Variants in NKD1 observed in about 807,000 individuals in gnomAD.
NKD1 encodes the protein NKD inhibitor of Wnt signaling pathway 1, also known as protein naked cuticle homolog 1.
A neutral mutation model predicts 56.0 loss-of-function variants in NKD1; 21 were observed. That is an observed-to-expected ratio of 0.38 (90% CI 0.27 to 0.54). NKD1 has a LOEUF of 0.54. NKD1 is among the 20% of genes least tolerant of loss of function. NKD1 has a pLI of 0.82. For missense variants in NKD1, 578 were observed against 642.7 expected (o/e 0.90, Z 1.09); for synonymous variants, 263 against 265.7 (o/e 0.99, Z 0.10).
chr16:50,583,245 C>A (rs1358000932), intron 3 of NKD1, among the ~76,000 whole-genome samples: 1 of 152,170 alleles, frequency 6.6e-6, no homozygotes, highest in South Asian at 2.1e-4. Flanking sequence ...GCAGCTTTTG[C>A]TTTTGTGCTT....
rs1472429029 is a variant in NKD1, at chr16:50,646,805, C to T, written c.*13024C>T. ...AAAGGCCTCCTGGAGGAGAGGGGCTCTAGGGGGCAGGTATGATCCTGAAGG... is the reference window on the plus strand; with the variant it reads ...AAAGGCCTCCTGGAGGAGAGGGGCTTTAGGGGGCAGGTATGATCCTGAAGG... On this transcript the variant is annotated 3_prime_UTR_variant, in exon 10 of 10. Coordinates refer to ENST00000268459, the MANE Select transcript of NKD1 (RefSeq NM_033119.5). The T allele has an allele frequency of 6.6e-6, 1 of 152,212 alleles. No individual in the cohort carries two copies. Among genetic ancestry groups the T allele is most frequent in the Non-Finnish European group, 1.5e-5 (1 of 68,062 alleles). The allele number at this position is 152,212 out of a possible 1,614,324, so 9.4% of individuals were successfully genotyped here.
intron 3 of NKD1, among the ~76,000 whole-genome samples, chr16:50,568,512 G>C (rs1475588636): frequency 5.3e-5 from 8 of 152,170 alleles, no homozygotes; most frequent in Non-Finnish European, 1.0e-4. Flanking sequence ...TGTGTCAAGC[G>C]CTTCCTCATT....
intron 3 of NKD1, among the ~76,000 whole-genome samples, chr16:50,589,708 T>C (rs563900876): frequency 5.0e-4 from 13 of 25,902 alleles, no homozygotes; most frequent in East Asian, 2.4e-3. Context: ...TCTTCTCTTC[T>C]CTTCTCTTCT....
In NKD1 at chr16:50,631,544, G is replaced by A. The variant is rs116618929; in HGVS notation, c.695+634G>A. Among the ~76,000 whole-genome samples the A allele has an allele frequency of 9.9e-3, 1,504 of 152,312 alleles. 32 individuals carry two copies. The highest frequency in any genetic ancestry group is 0.034 in the African/African-American group (1,425 of 41,562). ...TACTCGCTAGGGGAAAGAAAAAACAGTTCAAGCAGGGTCACAGCCAGGTGT... is the reference window on the plus strand; with the variant it reads ...TACTCGCTAGGGGAAAGAAAAAACAATTCAAGCAGGGTCACAGCCAGGTGT... On this transcript the variant is annotated intron_variant, in intron 8 of 9. Coordinates refer to ENST00000268459, the MANE Select transcript of NKD1 (RefSeq NM_033119.5).
rs1020876726 is a variant in NKD1, at chr16:50,636,535, G to A, written c.*2754G>A. The A allele has an allele frequency of 2.0e-5, 3 of 152,210 alleles. No individual in the cohort carries two copies. Among genetic ancestry groups the A allele is most frequent in the African/African-American group, 7.2e-5 (3 of 41,452 alleles). 9.4% of individuals were successfully genotyped at this position (152,210 alleles called of 1,614,324 possible). A position where few individuals can be genotyped will look rare whatever the true frequency, so the allele number is the denominator to read the frequency against. The stretch of plus-strand genomic sequence containing the variant: ...CTAGGGCCCCTCAGTGTAATGTAGG[G>A]GTTGTGAGCACAGACTTTGGTGCCA... On this transcript the variant is annotated 3_prime_UTR_variant, in exon 10 of 10. Transcript: ENST00000268459.
At chr16:50,568,391 G>C (rs1441974279) in intron 3 of NKD1, among the ~76,000 whole-genome samples, 1 of 152,250 alleles carries the variant, frequency 6.6e-6, no homozygotes, top group African/African-American at 2.4e-5. Flanking sequence ...GTCCAGGTTA[G>C]AGCTGGTGCT....
rs762988278 is a variant in NKD1 at position 50,633,532 on chromosome 16, G to A, written c.1164G>A (p.Pro388=). ...VSPSAHLAAS[P]ALLPSLAPLG... Reference sequence around the variant, plus strand: ...CCTCCGCCCACCTGGCTGCCAGCCCGGCCCTCCTCCCCTCCCTAGCCCCCC... The same window carrying A: ...CCTCCGCCCACCTGGCTGCCAGCCCAGCCCTCCTCCCCTCCCTAGCCCCCC... The change falls in exon 10 of 10, where the codon CCG becomes CCA. Residue 388 remains proline, a synonymous_variant. Transcript: ENST00000268459. This position sits in a 1 kb window ranked among gnomAD's most constrained non-coding sequence, Gnocchi z 4.9. 27 of 1,609,994 alleles carry A rather than the reference G, an allele frequency of 1.7e-5. No homozygotes were observed. Among genetic ancestry groups the A allele is most frequent in the East Asian group, 6.7e-5 (3 of 44,784 alleles).
intron 2 of NKD1, chr16:50,549,093 T>A (rs1357123418): frequency 6.7e-6 from 1 of 148,446 alleles, no homozygotes; most frequent in Non-Finnish European, 1.3e-5. Context: ...ATATCCTGGC[T>A]CCTGCACCTA....
intron 3 of NKD1, among the ~76,000 whole-genome samples, chr16:50,603,861 G>A (rs1961649986): frequency 6.6e-6 from 1 of 151,656 alleles, no homozygotes; most frequent in Admixed American, 6.6e-5. Flanking sequence ...GTGTAGAGCA[G>A]GGGAGGGGCT....
At position 50,597,709 on chromosome 16, in the gene NKD1, C is replaced by CA. The variant is rs1453372980; in HGVS notation, c.193-10584dup. Among the ~76,000 whole-genome samples, 5 of 152,306 alleles carry CA rather than the reference C, an allele frequency of 3.3e-5. No homozygotes were observed. In the East Asian group the frequency reaches 9.7e-4, roughly 29 times the overall value. On this transcript the variant is annotated intron_variant, in intron 3 of 9. Coordinates refer to ENST00000268459, the MANE Select transcript of NKD1 (RefSeq NM_033119.5). The stretch of plus-strand genomic sequence containing the variant: ...GCCCTCATTCCCAAATGGCCCCTCT[C>CA]ACCTTCTCGGCTTTTCCACACCCAC...
chr16:50,549,317 G>A (rs957377385), intron 2 of NKD1, 105 bp from the exon 3 acceptor site: 1 of 1,418,054 alleles, frequency 7.1e-7, no homozygotes. Flanking sequence ...CCTGGCCCCC[G>A]TGCCGTGGTC....
chr16:50,563,720 C>T (rs12926668), intron 3 of NKD1, among the ~76,000 whole-genome samples: 1 of 139,248 alleles, frequency 7.2e-6, no homozygotes, highest in East Asian at 2.2e-4. Context: ...GTGGGCACAG[C>T]CCTGGATGCA....
At chr16:50,563,908 G>C (rs1213625188) in intron 3 of NKD1, among the ~76,000 whole-genome samples, 3 of 127,362 alleles carry the variant, frequency 2.4e-5, no homozygotes, top group Non-Finnish European at 5.2e-5. Context: ...AGCCCTGGAT[G>C]CATGGAGAAG....
rs535461906 is a variant in NKD1 at position 50,549,367 on chromosome 16, G to A, written c.59-55G>A. ...GCGCCTCCTTCTTCCCTCCGCGGGG[G>A]TAACTTTTGGCACCTGGAGCCAGAC... is the stretch of plus-strand genomic sequence containing the variant. On this transcript the variant is annotated intron_variant, in intron 2 of 9. Coordinates refer to ENST00000268459, the MANE Select transcript of NKD1 (RefSeq NM_033119.5). 1.6e-4 allele frequency: 261 copies of A among 1,584,838 alleles called. 1 individual carries two copies. In the South Asian group the frequency reaches 1.7e-3, roughly 10 times the overall value.
At chr16:50,582,992 C>T (rs957264031) in intron 3 of NKD1, among the ~76,000 whole-genome samples, 2 of 152,010 alleles carry the variant, frequency 1.3e-5, no homozygotes, top group Admixed American at 6.5e-5. Context: ...GGCGACAGCG[C>T]GAGACTCCAT....
In NKD1 at chr16:50,608,357, G is replaced by A. The variant is rs1961765080; in HGVS notation, c.256G>A (p.Glu86Lys). The A allele has an allele frequency of 1.2e-6, 2 of 1,610,980 alleles. No homozygotes were observed. Among genetic ancestry groups the A allele is most frequent in the East Asian group, 2.2e-5 (1 of 44,864 alleles). ...SEEEEDDFRL[E>K]VALPPEKTDG... Reference sequence around the variant, plus strand: ...GGAAGAGGAGGACGACTTTCGGCTGGAAGGTATTCGGAGTCCATTGCTCTC... The same window carrying A: ...GGAAGAGGAGGACGACTTTCGGCTGAAAGGTATTCGGAGTCCATTGCTCTC... The change falls in exon 4 of 10, where the codon GAA becomes AAA. Residue 86 changes from glutamate to lysine, a missense_variant. Physicochemically the swap from Glu to Lys is moderately conservative, Grantham distance 56 (BLOSUM62 1). Transcript: ENST00000268459.
intron 3 of NKD1, among the ~76,000 whole-genome samples, chr16:50,571,759 T>A (rs1235278818): frequency 2.0e-5 from 3 of 152,204 alleles, no homozygotes. Flanking sequence ...CAACAGCCTC[T>A]GAATTTCTTC....
chr16:50,604,578 C>T (rs1961665137), intron 3 of NKD1, among the ~76,000 whole-genome samples: 2 of 152,198 alleles, frequency 1.3e-5, no homozygotes, highest in South Asian at 4.1e-4. Context: ...CTCCAGATAT[C>T]CTTATTGCTG....
intron 3 of NKD1, chr16:50,574,652 C>G (rs781407963): frequency 2.2e-5 from 22 of 985,394 alleles, no homozygotes; most frequent in Non-Finnish European, 2.7e-5. Context: ...GTGCCAGGAG[C>G]CAGGGGGTCC....
Sources: allele counts gnomAD v4.1 joint callset (sites outside exome capture counted in the v4.1 genomes callset), GRCh38; gene constraint gnomAD v4.1.1; non-coding constraint Gnocchi (gnomAD v3.1); transcripts MANE v1.5; gene names NCBI Gene and HGNC (gene_info 2026-07-23, HGNC 2026-07-21).